Variants in PXN observed in about 807,000 individuals in gnomAD.
PXN encodes paxillin.
Under a neutral mutation model 103.6 loss-of-function variants are expected in PXN, and 61 were observed. That is an observed-to-expected ratio of 0.59 (90% CI 0.48 to 0.73). The LOEUF (loss-of-function observed/expected upper bound fraction) is 0.73. Among genes scored for constraint, PXN ranks in the 30% least tolerant of loss-of-function variants. The pLI is 0.00. For synonymous variants in PXN, 562 were observed against 607.8 expected, an observed-to-expected ratio of 0.92 and a Z score of 1.11; for missense variants, 1,274 against 1,460.3, an observed-to-expected ratio of 0.87 and a Z score of 2.08.
chr12:120,246,582 C>T (rs189145017), intron 1 of PXN, among the ~76,000 whole-genome samples: 35 of 150,312 alleles, frequency 2.3e-4, no homozygotes, highest in Admixed American at 1.3e-3. Context: ...AGGCCAGGCG[C>T]GGTGGCTCAT....
chr12:120,251,856 A>T (rs1373099788), intron 1 of PXN, among the ~76,000 whole-genome samples: 1 of 152,110 alleles, frequency 6.6e-6, no homozygotes, highest in South Asian at 2.1e-4. Flanking sequence ...TGCCAAGAGA[A>T]TGATACCAAA....
chr12:120,249,345 T>A (rs757821618), intron 1 of PXN, among the ~76,000 whole-genome samples: 3 of 151,946 alleles, frequency 2.0e-5, no homozygotes, highest in Non-Finnish European at 4.4e-5. Context: ...TAAGAAAGAA[T>A]GGATCAGTCC....
rs375203860 is a variant in PXN, at chr12:120,212,474, T to C, written c.3086A>G (p.Gln1029Arg). The C allele has an allele frequency of 6.1e-5, 98 of 1,613,892 alleles. No individual in the cohort carries two copies. The highest frequency in any genetic ancestry group is 8.1e-5 in the Non-Finnish European group (95 of 1,179,912). ...ERRGSLCSGCQKPITGRCITA... is the reference protein window; with the variant it reads ...ERRGSLCSGCRKPITGRCITA... ...GATGCAGCGGCCGGTGATGGGCTTC[T>C]GGCAGCCAGAACACAGCGAGCCGCG... The change falls in exon 15 of 15, where the codon CAG (glutamine) becomes CGG (arginine). Residue 1029 changes from glutamine to arginine, a missense_variant. Physicochemically the swap from Gln to Arg is conservative, Grantham distance 43. This residue lies in a region of PXN where 96 missense variants were observed against 151.3 expected (regional missense o/e 0.63). Transcript: ENST00000637617. The surrounding 1 kb of genome is among the most constrained non-coding windows in gnomAD (Gnocchi z 7.2).
chr12:120,219,102 A>C lies in PXN; in HGVS notation c.1716+105T>G. 1 of 1,247,308 alleles carries C rather than the reference A, an allele frequency of 8.0e-7. No individual in the cohort carries two copies. 77.3% of individuals were successfully genotyped at this position (1,247,308 alleles called of 1,614,324 possible). On this transcript the variant is annotated intron_variant, in intron 7 of 14. Transcript: ENST00000637617. The surrounding 1 kb of genome is among the most constrained non-coding windows in gnomAD (Gnocchi z 6.5). ...CACAGTGTCTCAGCATTTTCTGCCC[A>C]AGCAGACATGCGCAGAGTGGGAGGC...
chr12:120,244,975 G>A lies in PXN; in HGVS notation c.14-20598C>T, dbSNP rs1890812039. Among the ~76,000 whole-genome samples the A allele has an allele frequency of 2.0e-5, 3 of 152,190 alleles. No homozygotes were observed. In the South Asian group the frequency reaches 6.2e-4, roughly 32 times the overall value. ...GGTGGCCTATCTGGCTTCCTTTGTG[G>A]GTGGGGAAGGGGAGCTCCAAGAGGT... On this transcript the variant is annotated intron_variant, in intron 1 of 14. Coordinates refer to ENST00000637617, the MANE Select transcript of PXN (RefSeq NM_001385981.1).
chr12:120,239,127 G>C (rs775104911), intron 1 of PXN, among the ~76,000 whole-genome samples: 10 of 152,196 alleles, frequency 6.6e-5, no homozygotes, highest in Non-Finnish European at 1.5e-4. Context: ...GCCCTTCCTG[G>C]TGCCACTGGT....
chr12:120,246,514 CA>C (rs139689226), intron 1 of PXN, among the ~76,000 whole-genome samples: 13,530 of 58,396 alleles, frequency 0.23, 553 homozygotes, highest in East Asian at 0.47. Flanking sequence ...GACTCTGTCT[CA>C]AAAAAAAAAA....
At position 120,222,991 on chromosome 12, in the gene PXN, T is replaced by C. The variant is rs372954152; in HGVS notation, c.365A>G (p.Asn122Ser). 1 of 1,613,802 alleles carries C rather than the reference T, an allele frequency of 6.2e-7. No homozygotes were observed. Among genetic ancestry groups the C allele is most frequent in the African/African-American group, 1.3e-5 (1 of 74,896 alleles). The change falls in exon 4 of 15, where the codon AAC becomes AGC. Residue 122 changes from asparagine to serine, a missense_variant. By Grantham distance (46) the Asn-to-Ser change is conservative. Coordinates refer to ENST00000637617, the MANE Select transcript of PXN (RefSeq NM_001385981.1). This position sits in a 1 kb window ranked among gnomAD's most constrained non-coding sequence, Gnocchi z 4.7. Reference sequence around the variant, plus strand: ...TGAAGGCTCAGCTGATTTCTGCTTGTTGGGGAAGCTTTGAGAGGCAAAGGA... The same window carrying C: ...TGAAGGCTCAGCTGATTTCTGCTTGCTGGGGAAGCTTTGAGAGGCAAAGGA... Reference protein sequence around the residue: ...GEEEHVYSFPNKQKSAEPSPT... With the variant: ...GEEEHVYSFPSKQKSAEPSPT...
In PXN at chr12:120,215,486, G is replaced by T; in HGVS notation, c.2403+74C>A. 18 of 1,507,830 alleles carry T rather than the reference G, an allele frequency of 1.2e-5. No individual in the cohort carries two copies. Among genetic ancestry groups the T allele is most frequent in the Non-Finnish European group, 1.6e-5 (18 of 1,132,300 alleles). The allele number at this position is 1,507,830 out of a possible 1,614,324, so 93.4% of individuals were successfully genotyped here. On this transcript the variant is annotated intron_variant, in intron 10 of 14. Coordinates refer to ENST00000637617, the MANE Select transcript of PXN (RefSeq NM_001385981.1). This position sits in a 1 kb window ranked among gnomAD's most constrained non-coding sequence, Gnocchi z 4.9. ...GGCCCACCAGGGTCGGAAAGGCTGA[G>T]GGCACCCAGCAGGCATGGCCAAGCC...
intron 1 of PXN, among the ~76,000 whole-genome samples, chr12:120,258,192 CAA>C (rs35240186): frequency 3.8e-4 from 45 of 118,356 alleles, no homozygotes; most frequent in Admixed American, 4.3e-4. Context: ...GACTCCGTCT[CAA>C]AAAAAAAAAA....
At chr12:120,244,693 G>A (rs574596691) in intron 1 of PXN, among the ~76,000 whole-genome samples, 150 of 150,884 alleles carry the variant, frequency 9.9e-4, no homozygotes, top group African/African-American at 3.6e-3. Flanking sequence ...CGCAGTGGCA[G>A]ACGCTTGTAA....
intron 3 of PXN, 128 bp from the exon 4 acceptor site, chr12:120,223,127 G>A: frequency 6.8e-7 from 1 of 1,468,606 alleles, no homozygotes; most frequent in South Asian, 1.3e-5. Flanking sequence ...AGAGGACAGA[G>A]GGTAGGGAAG....
intron 7 of PXN, among the ~76,000 whole-genome samples, chr12:120,218,565 G>A (rs1309736856): frequency 1.3e-5 from 2 of 152,060 alleles, no homozygotes; most frequent in East Asian, 3.9e-4. Flanking sequence ...TAGTAGAGAT[G>A]GGGTTTCTCC....
chr12:120,222,332 G>A lies in PXN; in HGVS notation c.695+217C>T, dbSNP rs991311817. Among the ~76,000 whole-genome samples, 1 of 152,208 alleles carries A rather than the reference G, an allele frequency of 6.6e-6. No homozygotes were observed. Among genetic ancestry groups the A allele is most frequent in the Non-Finnish European group, 1.5e-5 (1 of 68,032 alleles). On this transcript the variant is annotated intron_variant, in intron 5 of 14. Transcript: ENST00000637617. This position sits in a 1 kb window ranked among gnomAD's most constrained non-coding sequence, Gnocchi z 4.7. Reference sequence around the variant, plus strand: ...TGTGCTAAGAGCTGCTAAGCTCCAGGCGCCCTCAGCCTGCACAACGTCTGT... The same window carrying A: ...TGTGCTAAGAGCTGCTAAGCTCCAGACGCCCTCAGCCTGCACAACGTCTGT...
At position 120,219,310 on chromosome 12, in the gene PXN, G is replaced by A; in HGVS notation, c.1613C>T (p.Thr538Ile). The A allele has an allele frequency of 4.4e-6, 7 of 1,598,444 alleles. No individual in the cohort carries two copies. The highest frequency in any genetic ancestry group is 5.9e-6 in the Non-Finnish European group (7 of 1,179,808). ...CCCGTCCTGGGTGGCAGCTTCCGTG[G>A]TGCCCTCTGGGCTCCTTGGGGTTTC... ...GPETPRSPEG[T>I]TEAATQDGKE... The change falls in exon 7 of 15, where the codon ACC (threonine) becomes ATC (isoleucine). Residue 538 changes from threonine (T) to isoleucine (I), a missense_variant. Physicochemically the swap from Thr to Ile is moderately conservative, Grantham distance 89. This residue lies in a region of PXN where 1,178 missense variants were observed against 1,309.0 expected (regional missense o/e 0.90). Coordinates refer to ENST00000637617, the MANE Select transcript of PXN (RefSeq NM_001385981.1). The surrounding 1 kb of genome is among the most constrained non-coding windows in gnomAD (Gnocchi z 6.5).
In PXN at chr12:120,216,432, C is replaced by T; in HGVS notation, c.2142G>A (p.Gly714=). Residue 714 remains glycine (G), a synonymous_variant, in exon 9 of 15, where the codon GGG becomes GGA. Coordinates refer to ENST00000637617, the MANE Select transcript of PXN (RefSeq NM_001385981.1). The surrounding 1 kb of genome is among the most constrained non-coding windows in gnomAD (Gnocchi z 5.1). ...LPSLLASSPL[G]PSAYTCGSSG... The stretch of plus-strand genomic sequence containing the variant: ...AAGAACCACAGGTATAAGCTGAGGG[C>T]CCCAGGGGGGAGGAGGCGAGCAGGC... 7.3e-7 allele frequency: 1 copy of T among 1,377,674 alleles called. No individual in the cohort carries two copies. Among genetic ancestry groups the T allele is most frequent in the African/African-American group, 1.5e-5 (1 of 65,940 alleles). 85.3% of individuals were successfully genotyped at this position (1,377,674 alleles called of 1,614,324 possible). A position where few individuals can be genotyped will look rare whatever the true frequency, so the allele number is the denominator to read the frequency against.
intron 1 of PXN, among the ~76,000 whole-genome samples, chr12:120,239,209 G>A (rs1247728880): frequency 6.6e-6 from 1 of 152,168 alleles, no homozygotes; most frequent in African/African-American, 2.4e-5. Flanking sequence ...CACTTTGGGA[G>A]CCCGAGGCCA....
Position 120,223,744 on chromosome 12 carries a change from T to C in PXN, c.330A>G (p.Arg110=), listed in dbSNP as rs1334150089. ...PQDSVGSPCS[R]VGEEEHVYSF... is the part of the protein sequence containing the mutation. The stretch of plus-strand genomic sequence containing the variant: ...TGTAGACGTGCTCCTCCTCACCCAC[T>C]CGGGAGCACGGAGAGCCAACACTGT... Residue 110 remains arginine, a synonymous_variant, in exon 3 of 15, where the codon CGA becomes CGG. Coordinates refer to ENST00000637617, the MANE Select transcript of PXN (RefSeq NM_001385981.1). The C allele has an allele frequency of 6.2e-7, 1 of 1,604,114 alleles. No homozygotes were observed. Among genetic ancestry groups the C allele is most frequent in the Non-Finnish European group, 8.5e-7 (1 of 1,175,550 alleles).
At chr12:120,223,075 C>T in intron 3 of PXN, 76 bp from the exon 4 acceptor site, 1 of 1,607,682 alleles carries the variant, frequency 6.2e-7, no homozygotes, top group Non-Finnish European at 8.5e-7. Context: ...CCCAGATTCC[C>T]AAGGAGAACA....
Sources: allele counts gnomAD v4.1 joint callset (sites outside exome capture counted in the v4.1 genomes callset), GRCh38; gene constraint gnomAD v4.1.1; regional missense constraint gnomAD v4.1.1; non-coding constraint Gnocchi (gnomAD v3.1); transcripts MANE v1.5; gene names NCBI Gene and HGNC (gene_info 2026-07-23, HGNC 2026-07-21).